Variants in ZNF324B observed in about 807,000 individuals in gnomAD.
ZNF324B encodes zinc finger protein 324B.
Under a neutral mutation model 10.6 loss-of-function variants are expected in ZNF324B, and 7 were observed. The observed-to-expected ratio is 0.66, with a 90% CI of 0.38 to 1.24. ZNF324B has a LOEUF of 1.24. Among genes scored for constraint, ZNF324B ranks in the 50% most tolerant of loss-of-function variants. ZNF324B has a pLI of 0.02. For missense variants in ZNF324B, 640 were observed against 764.7 expected (o/e 0.84, Z 1.92); for synonymous variants, 316 against 321.0 (o/e 0.98, Z 0.17).
the ZNF324B span, among the ~76,000 whole-genome samples, chr19:58,431,974 G>A: frequency 6.6e-6 from 1 of 151,686 alleles, no homozygotes; most frequent in South Asian, 2.1e-4. Flanking sequence ...CAGCTTGGGC[G>A]ACAGAGCAAG....
chr19:58,456,362 G>A lies in ZNF324B; in HGVS notation c.1418G>A (p.Arg473His), dbSNP rs199833598. ...GGCGCCGTGCTGCTCAGCCACCGGC[G>A]CATTCACACGGGCGAGAAGCCCTTC... The part of the protein sequence containing the change: ...AKGAVLLSHR[R>H]IHTGEKPFVC... Residue 473 changes from arginine (R) to histidine (H), a missense_variant, in exon 4 of 4, where the codon CGC (arginine) becomes CAC (histidine). Coordinates refer to ENST00000336614, the MANE Select transcript of ZNF324B (RefSeq NM_207395.3). The surrounding 1 kb of genome is among the most constrained non-coding windows in gnomAD (Gnocchi z 4.7). 162 of 1,612,706 alleles carry A rather than the reference G, an allele frequency of 1.0e-4. 1 individual carries two copies. The East Asian group carries it at 3.5e-3, about 35-fold the overall frequency.
intron 1 of ZNF324B, 88 bp downstream of exon 1, chr19:58,451,792 G>C (rs1326348662): frequency 3.2e-6 from 1 of 308,616 alleles, no homozygotes; most frequent in Non-Finnish European, 6.3e-6. Context: ...GGGCCCCGGC[G>C]GGAACCACGC....
the ZNF324B span, chr19:58,434,835 G>A: frequency 1.9e-6 from 3 of 1,614,056 alleles, no homozygotes; most frequent in Admixed American, 3.3e-5. Flanking sequence ...GGTCACAGCT[G>A]CCCAGGATGA....
At chr19:58,433,730 C>G in the ZNF324B span, 1 of 1,614,070 alleles carries the variant, frequency 6.2e-7, no homozygotes, top group South Asian at 1.1e-5. Context: ...TCATTGCACT[C>G]ATAAGGCCTT....
At chr19:58,433,282 C>G in the ZNF324B span, 7 of 1,568,958 alleles carry the variant, frequency 4.5e-6, no homozygotes, top group Non-Finnish European at 6.1e-6. Context: ...TTTGACTTGG[C>G]TGAAGATTTT....
At chr19:58,432,539 A>C in the ZNF324B span, among the ~76,000 whole-genome samples, 1 of 152,060 alleles carries the variant, frequency 6.6e-6, no homozygotes, top group African/African-American at 2.4e-5. Flanking sequence ...TGCCTTGGTG[A>C]CCCTGTGACT....
At chr19:58,445,474 G>A in the ZNF324B span, 1 of 518,820 alleles carries the variant, frequency 1.9e-6, no homozygotes, top group Non-Finnish European at 3.8e-6. Context: ...AAAGCCTTTT[G>A]ATTATAGTAA....
Position 58,451,703 on chromosome 19 carries a change from A to G in ZNF324B, c.-8A>G, listed in dbSNP as rs1319701066. ...CGGGGCCCGAGGCGGGCGGCCAGGA[A>G]GGTACGGACCACGAGCAGCCGGCCG... On this transcript the variant is annotated splice_region_variant and 5_prime_UTR_variant, in exon 1 of 4. Coordinates refer to ENST00000336614, the MANE Select transcript of ZNF324B (RefSeq NM_207395.3). The G allele has an allele frequency of 2.0e-6, 1 of 496,170 alleles. No homozygotes were observed. Among genetic ancestry groups the G allele is most frequent in the South Asian group, 1.4e-5 (1 of 70,414 alleles). The allele number at this position is 496,170 out of a possible 1,614,324, so 30.7% of individuals were successfully genotyped here.
the ZNF324B span, among the ~76,000 whole-genome samples, chr19:58,427,291 T>TTTTCTTTCTTTCTTTTTCTTTCTTTC: frequency 5.1e-5 from 3 of 58,310 alleles, no homozygotes; most frequent in Non-Finnish European, 7.5e-5. Flanking sequence ...TGCCTGGCTT[T>TTTTCTTTCTTTCTTTTTCTTTCTTTC]TTTCTTTCTT....
Position 58,454,339 on chromosome 19 carries a change from A to G in ZNF324B, c.233A>G (p.Asn78Ser), listed in dbSNP as rs1475845233. Residue 78 changes from asparagine to serine, a missense_variant, in exon 3 of 4, where the codon AAC becomes AGC. Physicochemically the swap from Asn to Ser is conservative, Grantham distance 46 (BLOSUM62 1). Transcript: ENST00000336614. ...GCCAGGAACACCTACGGGAGGCTCA[A>G]CTCTGGTGAGTGGGAGCTCAGGTGG... is the stretch of plus-strand genomic sequence containing the variant. The part of the protein sequence containing the change: ...TLARNTYGRL[N>S]SGSWSLTEDR... 6 of 1,610,768 alleles carry G rather than the reference A, an allele frequency of 3.7e-6. No homozygotes were observed. The highest frequency in any genetic ancestry group is 5.1e-6 in the Non-Finnish European group (6 of 1,177,092).
chr19:58,433,758 CCAGTGTT>C, the ZNF324B span: 1 of 1,614,090 alleles, frequency 6.2e-7, no homozygotes, highest in South Asian at 1.1e-5. Context: ...TGTGAACTCT[CCAGTGTT>C]CAATGAGAGT....
At chr19:58,440,496 T>C in the ZNF324B span, 1 of 152,698 alleles carries the variant, frequency 6.5e-6, no homozygotes, top group Non-Finnish European at 1.5e-5. Context: ...TTTCTCGATT[T>C]TGTCTGCTTC....
At chr19:58,453,082 AAAATAAATAAAT>A (rs34636971) in intron 1 of ZNF324B, 4,016 of 140,402 alleles carry the variant, frequency 0.029, 171 homozygotes, top group African/African-American at 0.096. Flanking sequence ...CTCCAAAATA[AAAATAAATAAAT>A]AAATAAATAA....
the ZNF324B span, chr19:58,434,689 G>A: frequency 0.48 from 773,576 of 1,613,938 alleles, 190,972 homozygotes; most frequent in African/African-American, 0.77. Flanking sequence ...CAGATGGTTG[G>A]GGAGAGTGGA....
chr19:58,453,786 G>A lies in ZNF324B; in HGVS notation c.85G>A (p.Val29Met), dbSNP rs757779415. The A allele has an allele frequency of 8.7e-6, 14 of 1,614,166 alleles. No individual in the cohort carries two copies. Among genetic ancestry groups the A allele is most frequent in the Admixed American group, 1.7e-5 (1 of 60,024 alleles). Reference protein sequence around the residue: ...DTAQRALYRHVMLENFTLVTS... With the variant: ...DTAQRALYRHMMLENFTLVTS... ...AGCGCAGAGGGCCCTGTACCGCCAC[G>A]TGATGCTGGAAAACTTCACACTTGT... Residue 29 changes from valine (V) to methionine (M), a missense_variant, in exon 2 of 4, where the codon GTG becomes ATG. By Grantham distance (21) the Val-to-Met change is conservative. Around this residue, in one of 3 missense-constraint regions of ZNF324B, gnomAD observed 345 missense variants for 387.9 expected, o/e 0.89. Coordinates refer to ENST00000336614, the MANE Select transcript of ZNF324B (RefSeq NM_207395.3).
the ZNF324B span, among the ~76,000 whole-genome samples, chr19:58,420,799 C>T: frequency 0.022 from 3,372 of 151,420 alleles, 112 homozygotes; most frequent in African/African-American, 0.077. Flanking sequence ...CCTCCGCCTC[C>T]CAGGGTCAAG....
the ZNF324B span, chr19:58,434,091 T>G: frequency 6.2e-7 from 1 of 1,614,074 alleles, no homozygotes; most frequent in Non-Finnish European, 8.5e-7. Flanking sequence ...CGGTGTGAAC[T>G]TTCTGGTGCT....
upstream of ZNF324B, chr19:58,451,589 A>C (rs776355808): frequency 3.9e-5 from 20 of 516,370 alleles, no homozygotes; most frequent in African/African-American, 1.2e-4. Context: ...GGGCAATGTG[A>C]GCTCTGGGGG....
chr19:58,445,771 A>ATCAT, the ZNF324B span: 2 of 294,022 alleles, frequency 6.8e-6, no homozygotes, highest in South Asian at 3.1e-5. Context: ...GCTGAGTTAG[A>ATCAT]GCCACTGCAC....
Sources: gnomAD v4.1 joint callset for allele counts (sites outside exome capture counted in the v4.1 genomes callset) on GRCh38, gnomAD v4.1.1 for gene constraint, gnomAD v4.1.1 regional missense constraint, Gnocchi (gnomAD v3.1) non-coding constraint, MANE v1.5 for transcripts, NCBI Gene and HGNC (gene_info 2026-07-23, HGNC 2026-07-21) for gene names.